TACR2: variants seen among roughly 807,000 people sequenced by gnomAD.
TACR2 encodes tachykinin receptor 2.
In TACR2, 24 loss-of-function variants were observed where a neutral mutation model predicts 28.9. The observed-to-expected ratio is 0.83, with a 90% confidence interval of 0.60 to 1.17. The LOEUF is 1.17. TACR2 is among the 50% of genes most tolerant of loss of function. TACR2 has a pLI of 0.00. For synonymous variants in TACR2, 222 were observed against 212.6 expected, an observed-to-expected ratio of 1.04 and a Z score of -0.38; for missense variants, 487 against 524.4, an observed-to-expected ratio of 0.93 and a Z score of 0.70.
At position 69,415,912 on chromosome 10, in the gene TACR2, T is replaced by C; in HGVS notation, c.392+20A>G. 1 of 1,606,944 alleles carries C rather than the reference T, an allele frequency of 6.2e-7. No individual in the cohort carries two copies. Among genetic ancestry groups the C allele is most frequent in the Non-Finnish European group, 8.5e-7 (1 of 1,174,390 alleles). ...GCTCAGTGGGGAGGCTCCCCCCAGC[T>C]TCCCCAAGGACCCTCTTGCCTGTCG... On this transcript the variant is annotated intron_variant, in intron 1 of 4. Transcript: ENST00000373306.
intron 3 of TACR2, among the ~76,000 whole-genome samples, chr10:69,408,697 C>G (rs1381577499): frequency 6.6e-6 from 1 of 152,192 alleles, no homozygotes; most frequent in Non-Finnish European, 1.5e-5. Flanking sequence ...AGACTTCGCG[C>G]GAAGGCAGCT....
At position 69,409,066 on chromosome 10, in the gene TACR2, G is replaced by C; in HGVS notation, c.597C>G (p.Leu199=). ...GGAAGTAGATGAGGGCGATCACCAC[G>C]AGGTGGTACCTGCAGGGAGAGCCGA... ...SGGKTLLLYH[L]VVIALIYFLP... The change falls in exon 3 of 5, where the codon CTC becomes CTG. Residue 199 remains leucine (L), a synonymous_variant. Transcript: ENST00000373306. 1.2e-6 allele frequency: 2 copies of C among 1,603,306 alleles called. No homozygotes were observed. The highest frequency in any genetic ancestry group is 1.7e-6 in the Non-Finnish European group (2 of 1,176,842).
intron 2 of TACR2, among the ~76,000 whole-genome samples, chr10:69,409,944 A>ATATATAG (rs1298701164): frequency 1.1e-5 from 1 of 91,592 alleles, no homozygotes; most frequent in South Asian, 3.7e-4. Flanking sequence ...TATATATATA[A>ATATATAG]TCTGTATCTG....
At position 69,416,477 on chromosome 10, in the gene TACR2, C is replaced by A; in HGVS notation, c.-154G>T. 9.7e-7 allele frequency: 1 copy of A among 1,029,024 alleles called. No individual in the cohort carries two copies. The allele number at this position is 1,029,024 out of a possible 1,614,324, so 63.7% of individuals were successfully genotyped here. A position where few individuals can be genotyped will look rare whatever the true frequency, so the allele number is the denominator to read the frequency against. On this transcript the variant is annotated 5_prime_UTR_variant, in exon 1 of 5. Coordinates refer to ENST00000373306, the MANE Select transcript of TACR2 (RefSeq NM_001057.3). ...CACATCAGGAGAGCCTGGGGCCACT[C>A]CTAGGTCTCAGGCAAAGATGAGCTG...
chr10:69,416,095 G>T lies in TACR2; in HGVS notation c.229C>A (p.Leu77Met), dbSNP rs763255658. ...AAGGCAGCCATGCAGAGGTCAGCCA[G>T]CGCCAGATTGACGATGAAGTAGTTG... ...VTNYFIVNLALADLCMAAFNA... is the reference protein window; with the variant it reads ...VTNYFIVNLAMADLCMAAFNA... The change falls in exon 1 of 5, where the codon CTG becomes ATG. Residue 77 changes from leucine to methionine, a missense_variant. By Grantham distance (15) the Leu-to-Met change is conservative (BLOSUM62 2). Coordinates refer to ENST00000373306, the MANE Select transcript of TACR2 (RefSeq NM_001057.3). The T allele has an allele frequency of 3.1e-6, 5 of 1,614,252 alleles. No individual in the cohort carries two copies. Among genetic ancestry groups the T allele is most frequent in the Non-Finnish European group, 4.2e-6 (5 of 1,180,050 alleles).
chr10:69,408,138 A>T (rs1278431168), intron 3 of TACR2, among the ~76,000 whole-genome samples: 1 of 152,152 alleles, frequency 6.6e-6, no homozygotes, highest in East Asian at 1.9e-4. Flanking sequence ...AGAGGGCTAC[A>T]TCAGGACCTT....
At chr10:69,410,087 G>T (rs150706083) in intron 2 of TACR2, among the ~76,000 whole-genome samples, 55 of 151,934 alleles carry the variant, frequency 3.6e-4, no homozygotes, top group African/African-American at 1.3e-3. Flanking sequence ...TCAGCATTTG[G>T]CTGGGAACCT....
chr10:69,406,713 T>C (rs1840505130), intron 4 of TACR2, among the ~76,000 whole-genome samples: 1 of 152,182 alleles, frequency 6.6e-6, no homozygotes, highest in Admixed American at 6.5e-5. Context: ...AGCTTTTCTT[T>C]CCTTCGTCTG....
rs142159613 is a variant in TACR2, at chr10:69,407,953, G to A, written c.742-673C>T. 4.0e-3 allele frequency among the ~76,000 whole-genome samples: 604 copies of A among 152,292 alleles called. 3 individuals carry two copies. The highest frequency in any genetic ancestry group is 0.014 in the African/African-American group (574 of 41,552). ...TGCTCCATGAGGGGCACCAGATGGC[G>A]CCCATGTGCAGCTATCTCCCCGAAC... is the stretch of plus-strand genomic sequence containing the variant. On this transcript the variant is annotated intron_variant, in intron 3 of 4. Transcript: ENST00000373306.
At chr10:69,410,025 A>G (rs1385825964) in intron 2 of TACR2, among the ~76,000 whole-genome samples, 1 of 151,046 alleles carries the variant, frequency 6.6e-6, no homozygotes, top group Non-Finnish European at 1.5e-5. Flanking sequence ...GGCATGGGAC[A>G]GTGGAAAAGC....
Position 69,407,192 on chromosome 10 carries a change from T to C in TACR2, c.830A>G (p.Glu277Gly). ...GATGAACTTGTGGCAGTAGATGTCCTCCTGGAAGCTGCCCAGGATGAAGTA... is the reference window on the plus strand; with the variant it reads ...GATGAACTTGTGGCAGTAGATGTCCCCCTGGAAGCTGCCCAGGATGAAGTA... ...HLYFILGSFQ[E>G]DIYCHKFIQQ... The change falls in exon 4 of 5, where the codon GAG becomes GGG. Residue 277 changes from glutamate (E) to glycine (G), a missense_variant. Coordinates refer to ENST00000373306, the MANE Select transcript of TACR2 (RefSeq NM_001057.3). The C allele has an allele frequency of 6.2e-7, 1 of 1,613,994 alleles. No individual in the cohort carries two copies. The highest frequency in any genetic ancestry group is 8.5e-7 in the Non-Finnish European group (1 of 1,179,954).
chr10:69,410,811 G>A (rs1431156256), intron 2 of TACR2, among the ~76,000 whole-genome samples: 1 of 152,170 alleles, frequency 6.6e-6, no homozygotes, highest in East Asian at 1.9e-4. Flanking sequence ...TGTGACTCAC[G>A]TAGCGTTCTT....
rs1840551488 is a variant in TACR2, at chr10:69,409,908, T to TATACATATATATATATATAC, written c.588-834_588-833insGTATATATATATATATGTAT. ...ATATATACATATATATATATACATA[T>TATACATATATATATATATAC]ATATATATATATATATATATATATA... On this transcript the variant is annotated intron_variant, in intron 2 of 4. Transcript: ENST00000373306. Among the ~76,000 whole-genome samples the TATACATATATATATATATAC allele has an allele frequency of 2.1e-3, 45 of 21,248 alleles. No individual in the cohort carries two copies. The East Asian group carries it at 0.031, about 14-fold the overall frequency. The allele number at this position is 21,248 out of a possible 152,430, so 13.9% of individuals were successfully genotyped here. A position where few individuals can be genotyped will look rare whatever the true frequency, so the allele number is the denominator to read the frequency against.
chr10:69,414,823 T>A (rs1840597798), intron 2 of TACR2, 122 bp downstream of exon 2: 1 of 1,072,850 alleles, frequency 9.3e-7, no homozygotes, highest in Non-Finnish European at 1.4e-6. Flanking sequence ...CTCACTCATG[T>A]GTACACCCAT....
intron 3 of TACR2, among the ~76,000 whole-genome samples, chr10:69,408,224 T>C (rs184991057): frequency 5.3e-5 from 8 of 152,296 alleles, no homozygotes; most frequent in Non-Finnish European, 8.8e-5. Context: ...TTGATGAAGC[T>C]GGACAACTAT....
intron 1 of TACR2, among the ~76,000 whole-genome samples, 155 bp from the exon 2 acceptor site, chr10:69,415,294 G>C (rs1023785154): frequency 1.3e-5 from 2 of 152,172 alleles, no homozygotes; most frequent in Non-Finnish European, 2.9e-5. Flanking sequence ...GACCTGCAGA[G>C]AGCCCGCTGG....
intron 2 of TACR2, among the ~76,000 whole-genome samples, chr10:69,409,904 C>CATATATATATATATATAT (rs10663894): frequency 8.1e-4 from 28 of 34,582 alleles, no homozygotes; most frequent in South Asian, 2.2e-3. Flanking sequence ...TATATATATA[C>CATATATATATATATATAT]ATATATATAT....
rs774840958 is a variant in TACR2 at position 69,408,922 on chromosome 10, C to A, written c.741G>T (p.Lys247Asn). 8 of 1,435,578 alleles carry A rather than the reference C, an allele frequency of 5.6e-6. No individual in the cohort carries two copies. Among genetic ancestry groups the A allele is most frequent in the Non-Finnish European group, 6.4e-6 (7 of 1,089,488 alleles). The allele number at this position is 1,435,578 out of a possible 1,614,324, so 88.9% of individuals were successfully genotyped here. ...ANLRHLQAMK[K>N]FVKTMVLVVL... is the part of the protein sequence containing the mutation. ...TCCAGGCCCCCGCCCCCGCGCCCACCTTCTTCATGGCCTGCAGGTGGCGCA... is the reference window on the plus strand; with the variant it reads ...TCCAGGCCCCCGCCCCCGCGCCCACATTCTTCATGGCCTGCAGGTGGCGCA... Residue 247 changes from lysine (K) to asparagine (N), a missense_variant and splice_region_variant, in exon 3 of 5, where the codon AAG (lysine) becomes AAT (asparagine). By Grantham distance (94) the Lys-to-Asn change is moderately conservative. Coordinates refer to ENST00000373306, the MANE Select transcript of TACR2 (RefSeq NM_001057.3).
intron 4 of TACR2, among the ~76,000 whole-genome samples, chr10:69,406,348 A>AC (rs1164576179): frequency 5.3e-5 from 8 of 150,610 alleles, no homozygotes; most frequent in African/African-American, 1.5e-4. Context: ...CTGACTCACC[A>AC]CCCCCCACCT....
Sources: allele counts gnomAD v4.1 joint callset (sites outside exome capture counted in the v4.1 genomes callset), GRCh38; gene constraint gnomAD v4.1.1; transcripts MANE v1.5; gene names NCBI Gene and HGNC (gene_info 2026-07-23, HGNC 2026-07-21).